Variants in FBXO34 observed in about 807,000 individuals in gnomAD.
The protein encoded by FBXO34 is F-box protein 34.
Under a neutral mutation model 24.5 loss-of-function variants are expected in FBXO34, and 12 were observed. That is an observed-to-expected ratio of 0.49 (90% confidence interval 0.31 to 0.79). The LOEUF (loss-of-function observed/expected upper bound fraction) is 0.79, where lower values mean the gene tolerates loss of function less well. FBXO34 is among the 30% of genes least tolerant of loss of function. The probability of loss-of-function intolerance (pLI) is 0.04; values close to 1 mark genes in which losing one functional copy is unlikely to be tolerated. For missense variants in FBXO34, 823 were observed against 857.7 expected (o/e 0.96, Z 0.51); for synonymous variants, 320 against 311.9 (o/e 1.03, Z -0.27).
intron 1 of FBXO34, among the ~76,000 whole-genome samples, chr14:55,344,303 T>C (rs1416558624): frequency 6.6e-6 from 1 of 152,148 alleles, no homozygotes; most frequent in African/African-American, 2.4e-5. Flanking sequence ...CTGCTGACTG[T>C]GCCTTCCTTT....
At chr14:55,381,123 A>G in the FBXO34 span, among the ~76,000 whole-genome samples, 8,809 of 151,838 alleles carry the variant, frequency 0.058, 322 homozygotes, top group South Asian at 0.089. Flanking sequence ...CACCCACTCA[A>G]TGTACAGCAT....
intron 1 of FBXO34, among the ~76,000 whole-genome samples, chr14:55,282,141 C>T (rs1881571804): frequency 6.6e-6 from 1 of 151,836 alleles, no homozygotes; most frequent in South Asian, 2.1e-4. Flanking sequence ...GGACTACAGG[C>T]GCATGCCACC....
At chr14:55,376,555 A>G in the FBXO34 span, among the ~76,000 whole-genome samples, 1 of 152,160 alleles carries the variant, frequency 6.6e-6, no homozygotes, top group African/African-American at 2.4e-5. Context: ...AATGTTAACT[A>G]TCTGAGGTGG....
chr14:55,298,698 G>GC, intron 1 of FBXO34: 1 of 1,564,676 alleles, frequency 6.4e-7, no homozygotes, highest in South Asian at 1.1e-5. Flanking sequence ...CCTCCAGGAG[G>GC]CCATCCAGCG....
chr14:55,421,840 C>G, the FBXO34 span, among the ~76,000 whole-genome samples: 8 of 152,310 alleles, frequency 5.3e-5, no homozygotes, highest in East Asian at 1.5e-3. Context: ...TAAAAGAACA[C>G]TTAAAACAGA....
At chr14:55,366,309 T>C (rs1466918805), downstream of FBXO34, 1 of 152,620 alleles carries the variant, frequency 6.6e-6, no homozygotes, top group African/African-American at 2.4e-5. Context: ...TATAAAGTAC[T>C]CCAGGGTTCA....
the FBXO34 span, chr14:55,411,878 C>CA: frequency 6.7e-7 from 1 of 1,490,002 alleles, no homozygotes; most frequent in Non-Finnish European, 9.1e-7. Flanking sequence ...CGGGTGCATT[C>CA]TGGGCCAGGA....
chr14:55,406,220 ATGAAACC>A, the FBXO34 span, among the ~76,000 whole-genome samples: 1 of 152,250 alleles, frequency 6.6e-6, no homozygotes, highest in Non-Finnish European at 1.5e-5. Flanking sequence ...TAGTCTGTTA[ATGAAACC>A]TGAAAAAAAT....
At chr14:55,339,457 C>T (rs948537057) in intron 1 of FBXO34, 2 of 146,124 alleles carry the variant, frequency 1.4e-5, no homozygotes, top group African/African-American at 5.1e-5. Flanking sequence ...TGCTCTGTAT[C>T]CTTTGTCGAA....
intron 1 of FBXO34, among the ~76,000 whole-genome samples, chr14:55,325,571 G>C (rs1883312583): frequency 6.6e-6 from 1 of 152,138 alleles, no homozygotes; most frequent in African/African-American, 2.4e-5. Flanking sequence ...CGCCTCCTGG[G>C]TTCAAGCAAT....
chr14:55,393,728 G>A, the FBXO34 span, among the ~76,000 whole-genome samples: 1 of 151,684 alleles, frequency 6.6e-6, no homozygotes, highest in African/African-American at 2.4e-5. Flanking sequence ...GTTTTTGTTC[G>A]TTTTTGTAGA....
At chr14:55,427,780 C>T in the FBXO34 span, among the ~76,000 whole-genome samples, 2 of 151,726 alleles carry the variant, frequency 1.3e-5, no homozygotes, top group Non-Finnish European at 2.9e-5. Context: ...GAGATATTCC[C>T]TAGGAAAAGG....
At chr14:55,384,500 C>G in the FBXO34 span, among the ~76,000 whole-genome samples, 1 of 152,344 alleles carries the variant, frequency 6.6e-6, no homozygotes, top group East Asian at 1.9e-4. Context: ...ACACATTGCA[C>G]TCAGCTGTCA....
intron 1 of FBXO34, among the ~76,000 whole-genome samples, chr14:55,287,152 T>C (rs60248556): frequency 0.37 from 56,518 of 152,066 alleles, 11,071 homozygotes; most frequent in Non-Finnish European, 0.42. Flanking sequence ...GTGATCCATC[T>C]GCCTTGGCCT....
chr14:55,384,588 C>T, the FBXO34 span, among the ~76,000 whole-genome samples: 10 of 152,176 alleles, frequency 6.6e-5, no homozygotes, highest in African/African-American at 2.4e-4. Flanking sequence ...TTACTAATGA[C>T]AAAATACTTA....
chr14:55,350,237 T>C (rs1884301872), intron 1 of FBXO34, 144 bp from the exon 2 acceptor site: 2 of 530,800 alleles, frequency 3.8e-6, no homozygotes, highest in South Asian at 7.4e-5. Flanking sequence ...GTAAAAACTA[T>C]CATGAGAGAG....
intron 1 of FBXO34, among the ~76,000 whole-genome samples, chr14:55,343,241 ATTT>A (rs377334751): frequency 2.1e-3 from 274 of 130,842 alleles, no homozygotes; most frequent in Middle Eastern, 8.5e-3. Flanking sequence ...TATTCCTCCG[ATTT>A]TTTTTTTTTT....
At chr14:55,403,176 TAATGCTTAC>T in the FBXO34 span, among the ~76,000 whole-genome samples, 1 of 151,688 alleles carries the variant, frequency 6.6e-6, no homozygotes, top group Non-Finnish European at 1.5e-5. Context: ...AAAATGGGAA[TAATGCTTAC>T]ATACTCCTTG....
chr14:55,359,536 CAT>C (rs1275973377), intron 3 of FBXO34, among the ~76,000 whole-genome samples: 1 of 152,210 alleles, frequency 6.6e-6, no homozygotes, highest in Admixed American at 6.5e-5. Flanking sequence ...AGCTGTGAGT[CAT>C]AATCTTTGCT....
Sources: gnomAD v4.1 joint callset for allele counts (sites outside exome capture counted in the v4.1 genomes callset) on GRCh38, gnomAD v4.1.1 for gene constraint, MANE v1.5 for transcripts, NCBI Gene and HGNC (gene_info 2026-07-23, HGNC 2026-07-21) for gene names.